MAP3K9: variants seen among roughly 807,000 people sequenced by gnomAD.
MAP3K9 encodes the protein mitogen-activated protein kinase kinase kinase 9, also known as mixed lineage kinase 1 (tyr and ser/thr specificity).
Under a neutral mutation model 95.8 loss-of-function variants are expected in MAP3K9, and 46 were observed. That is an observed-to-expected ratio of 0.48 (90% CI 0.38 to 0.61). The LOEUF (loss-of-function observed/expected upper bound fraction) is 0.61, where lower values mean the gene tolerates loss of function less well. Ranked by LOEUF, MAP3K9 falls within the 20% of genes least tolerant of loss-of-function variation. The probability of loss-of-function intolerance (pLI) is 0.00; values close to 1 mark genes in which losing one functional copy is unlikely to be tolerated. For synonymous variants in MAP3K9, 533 were observed against 593.8 expected (o/e 0.90, Z 1.49); for missense variants, 1,296 against 1,474.3 (o/e 0.88, Z 1.98).
intron 4 of MAP3K9, 95 bp from the exon 5 acceptor site, chr14:70,749,099 A>G (rs1048379377): frequency 5.0e-6 from 6 of 1,208,462 alleles, no homozygotes; most frequent in Non-Finnish European, 5.8e-6. Context: ...CCAGAAAACT[A>G]CCTCTTACTT....
At position 70,800,685 on chromosome 14, in the gene MAP3K9, C is replaced by T. The variant is rs2054917957; in HGVS notation, c.802G>A (p.Asp268Asn). 1.2e-6 allele frequency: 2 copies of T among 1,613,580 alleles called. No individual in the cohort carries two copies. Among genetic ancestry groups the T allele is most frequent in the East Asian group, 4.5e-5 (2 of 44,882 alleles). The change falls in exon 2 of 12, where the codon GAC becomes AAC. Residue 268 changes from aspartate to asparagine, a missense_variant. Physicochemically the swap from Asp to Asn is conservative, Grantham distance 23. Around this residue, in one of 5 missense-constraint regions of MAP3K9, gnomAD observed 136 missense variants for 221.5 expected, o/e 0.61. Coordinates refer to ENST00000554752, the MANE Select transcript of MAP3K9 (RefSeq NM_001284230.2). ...TACTCACTGTTGCTGGACTTAAGGT[C>T]GCGGTGGATGATGGGAACAATTGCC... ...DEAIVPIIHR[D>N]LKSSNILILQ... is the part of the protein sequence containing the mutation.
intron 5 of MAP3K9, among the ~76,000 whole-genome samples, chr14:70,748,134 T>G (rs1385602056): frequency 6.8e-6 from 1 of 146,400 alleles, no homozygotes; most frequent in Non-Finnish European, 1.5e-5. Context: ...TAAAAGAAAT[T>G]AACCAAATCT....
intron 2 of MAP3K9, among the ~76,000 whole-genome samples, chr14:70,779,026 T>G (rs1257921600): frequency 1.3e-5 from 2 of 150,748 alleles, no homozygotes; most frequent in East Asian, 3.9e-4. Context: ...AGGGGGAGAA[T>G]CAGAAGAAAG....
chr14:70,740,287 T>C (rs1225004406), intron 6 of MAP3K9, 123 bp from the exon 7 acceptor site: 1 of 1,000,340 alleles, frequency 1.0e-6, no homozygotes, highest in Admixed American at 2.7e-5. Context: ...AAGCTCTTTG[T>C]TCACCTGGGA....
rs753760512 is a variant in MAP3K9 at position 70,808,986 on chromosome 14, C to T, written c.186G>A (p.Glu62=). The part of the protein sequence containing the change: ...APLPYWTAVF[E]YEAAGEDELT... ...GCTCGTCCTCGCCCGCCGCCTCGTA[C>T]TCGAACACGGCCGTCCAGTAGGGCA... The change falls in exon 1 of 12, where the codon GAG becomes GAA. Residue 62 remains glutamate, a synonymous_variant. Coordinates refer to ENST00000554752, the MANE Select transcript of MAP3K9 (RefSeq NM_001284230.2). The T allele has an allele frequency of 2.8e-5, 44 of 1,561,762 alleles. No homozygotes were observed. The highest frequency in any genetic ancestry group is 3.7e-5 in the Non-Finnish European group (43 of 1,161,092).
rs1479900527 is a variant in MAP3K9 at position 70,727,884 on chromosome 14, C to T, written c.*2496G>A. The T allele has an allele frequency of 6.6e-6, 1 of 152,226 alleles. No homozygotes were observed. Among genetic ancestry groups the T allele is most frequent in the African/African-American group, 2.4e-5 (1 of 41,438 alleles). 9.4% of individuals were successfully genotyped at this position (152,226 alleles called of 1,614,324 possible). The stretch of plus-strand genomic sequence containing the variant: ...GGCAGGTGACCATCATTCAGTTACA[C>T]TACATCAGTTACACTACATCTAGAA... On this transcript the variant is annotated 3_prime_UTR_variant, in exon 12 of 12. Coordinates refer to ENST00000554752, the MANE Select transcript of MAP3K9 (RefSeq NM_001284230.2).
At position 70,732,874 on chromosome 14, in the gene MAP3K9, A is replaced by G. The variant is rs1333176009; in HGVS notation, c.2495T>C (p.Leu832Pro). ...MLLLGDPSAS[L>P]TLLSLSSISE... ...GATGGAGGAGAGGGAGAGCAGCGTC[A>G]GGGAGGCAGAGGGGTCTCCTAGCAA... Residue 832 changes from leucine (L) to proline (P), a missense_variant, in exon 11 of 12, where the codon CTG becomes CCG. Transcript: ENST00000554752. The G allele has an allele frequency of 6.2e-7, 1 of 1,613,838 alleles. No individual in the cohort carries two copies.
At chr14:70,781,790 T>G (rs147235698) in intron 2 of MAP3K9, among the ~76,000 whole-genome samples, 214 of 152,324 alleles carry the variant, frequency 1.4e-3, no homozygotes, top group African/African-American at 4.9e-3. Context: ...GTCTGCCTGA[T>G]TCAGAGCCCA....
At chr14:70,757,317 T>G (rs867968999) in intron 3 of MAP3K9, among the ~76,000 whole-genome samples, 1 of 151,422 alleles carries the variant, frequency 6.6e-6, no homozygotes, top group Non-Finnish European at 1.5e-5. Context: ...ACAAAAAAAA[T>G]AGAAAAAGTG....
intron 2 of MAP3K9, among the ~76,000 whole-genome samples, chr14:70,771,050 C>T (rs8008147): frequency 0.013 from 1,912 of 144,772 alleles, 49 homozygotes; most frequent in African/African-American, 0.045. Context: ...AAAGGGATTG[C>T]TTTTTTTTTT....
In MAP3K9 at chr14:70,730,725, C is replaced by T; in HGVS notation, c.2970G>A (p.Glu990=). The change falls in exon 12 of 12, where the codon GAG becomes GAA. Residue 990 remains glutamate (E), a synonymous_variant. Coordinates refer to ENST00000554752, the MANE Select transcript of MAP3K9 (RefSeq NM_001284230.2). ...DSTLERPKTL[E]FLPRPRPSAN... Reference sequence around the variant, plus strand: ...CAGAAGGACGCGGCCGAGGCAGAAACTCCAGAGTCTTGGGTCTCTCCAAGG... The same window carrying T: ...CAGAAGGACGCGGCCGAGGCAGAAATTCCAGAGTCTTGGGTCTCTCCAAGG... The T allele has an allele frequency of 6.2e-7, 1 of 1,613,930 alleles. No individual in the cohort carries two copies.
At chr14:70,773,454 G>T (rs1277125775) in intron 2 of MAP3K9, among the ~76,000 whole-genome samples, 1 of 152,234 alleles carries the variant, frequency 6.6e-6, no homozygotes, top group African/African-American at 2.4e-5. Flanking sequence ...GACCCAGACT[G>T]CTAGTCGCCC....
intron 2 of MAP3K9, among the ~76,000 whole-genome samples, chr14:70,791,567 C>G (rs2054807653): frequency 6.6e-6 from 1 of 152,240 alleles, no homozygotes; most frequent in African/African-American, 2.4e-5. Flanking sequence ...CGCAATTTGC[C>G]TCCCAGGAGG....
At chr14:70,798,362 T>G (rs1276640408) in intron 2 of MAP3K9, among the ~76,000 whole-genome samples, 1 of 148,010 alleles carries the variant, frequency 6.8e-6, no homozygotes, top group African/African-American at 2.5e-5. Context: ...CTCAACATGA[T>G]AAAAATATTA....
At position 70,742,560 on chromosome 14, in the gene MAP3K9, C is replaced by A; in HGVS notation, c.1358G>T (p.Arg453Leu). The stretch of plus-strand genomic sequence containing the variant: ...CTGGTTCTTCTGCTGCAGTGCAGCC[C>A]GCGTCAGCTCCTCCTCCCAGGTGCG... The part of the protein sequence containing the change: ...ELRTWEEELT[R>L]AALQQKNQEE... The change falls in exon 6 of 12, where the codon CGG (arginine) becomes CTG (leucine). Residue 453 changes from arginine (R) to leucine (L), a missense_variant. Physicochemically the swap from Arg to Leu is moderately radical, Grantham distance 102. Around this residue, in one of 5 missense-constraint regions of MAP3K9, gnomAD observed 377 missense variants for 417.1 expected, o/e 0.90. Transcript: ENST00000554752. 6.2e-7 allele frequency: 1 copy of A among 1,614,104 alleles called. No individual in the cohort carries two copies. The highest frequency in any genetic ancestry group is 8.5e-7 in the Non-Finnish European group (1 of 1,180,010).
intron 2 of MAP3K9, among the ~76,000 whole-genome samples, chr14:70,796,841 C>G (rs1455931891): frequency 6.6e-6 from 1 of 152,144 alleles, no homozygotes; most frequent in Non-Finnish European, 1.5e-5. Flanking sequence ...GAGCCTGGGT[C>G]CCAGATGACA....
chr14:70,809,105 C>A lies in MAP3K9; in HGVS notation c.67G>T (p.Asp23Tyr). Residue 23 changes from aspartate (D) to tyrosine (Y), a missense_variant, in exon 1 of 12, where the codon GAT becomes TAT. Asp to Tyr is a radical substitution (Grantham distance 160, BLOSUM62 -3). This residue lies in a region of MAP3K9 where 338 missense variants were observed against 363.4 expected (regional missense o/e 0.93). Coordinates refer to ENST00000554752, the MANE Select transcript of MAP3K9 (RefSeq NM_001284230.2). ...TCCTCGGCCCCGGCCCCTGCTCCAT[C>A]CTCCCCCGGCGGGGCGGCAGCGGCG... is the stretch of plus-strand genomic sequence containing the variant. Reference protein sequence around the residue: ...SAAAAAPPGEDGAGAGAEEEE... With the variant: ...SAAAAAPPGEYGAGAGAEEEE... The A allele has an allele frequency of 7.2e-7, 1 of 1,387,402 alleles. No individual in the cohort carries two copies. 85.9% of individuals were successfully genotyped at this position (1,387,402 alleles called of 1,614,324 possible).
At chr14:70,787,379 G>A (rs2054758164) in intron 2 of MAP3K9, among the ~76,000 whole-genome samples, 2 of 151,876 alleles carry the variant, frequency 1.3e-5, no homozygotes, top group Admixed American at 1.3e-4. Flanking sequence ...GTGGTGGCGG[G>A]CACCTGTAAT....
chr14:70,770,134 T>A (rs577987497), intron 2 of MAP3K9, among the ~76,000 whole-genome samples: 30 of 152,188 alleles, frequency 2.0e-4, no homozygotes, highest in Non-Finnish European at 3.8e-4. Flanking sequence ...GAACACCTGG[T>A]GGTAGGGGTC....
Sources: gnomAD v4.1 joint callset for allele counts (sites outside exome capture counted in the v4.1 genomes callset) on GRCh38, gnomAD v4.1.1 for gene constraint, gnomAD v4.1.1 regional missense constraint, MANE v1.5 for transcripts, NCBI Gene and HGNC (gene_info 2026-07-23, HGNC 2026-07-21) for gene names.